GRIK1: variants seen among roughly 807,000 people sequenced by gnomAD.
The protein encoded by GRIK1 is glutamate ionotropic receptor kainate type subunit 1.
A neutral mutation model predicts 105.7 loss-of-function variants in GRIK1; 69 were observed. The observed-to-expected ratio is 0.65, with a 90% CI of 0.54 to 0.80. The LOEUF (loss-of-function observed/expected upper bound fraction) is 0.80. GRIK1 is among the 30% of genes least tolerant of loss of function. GRIK1 has a pLI of 0.00. For synonymous variants in GRIK1, 438 were observed against 431.3 expected, an observed-to-expected ratio of 1.02 and a Z score of -0.19; for missense variants, 1,109 against 1,167.3, an observed-to-expected ratio of 0.95 and a Z score of 0.73.
chr21:29,628,779 GTCTCAAA>G (rs1330513983), intron 7 of GRIK1, among the ~76,000 whole-genome samples: 2 of 152,184 alleles, frequency 1.3e-5, no homozygotes, highest in African/African-American at 4.8e-5. Flanking sequence ...AGATTAGTCA[GTCTCAAA>G]TTACTCAAAT....
At chr21:29,803,340 A>G (rs917143476) in intron 1 of GRIK1, among the ~76,000 whole-genome samples, 1 of 152,224 alleles carries the variant, frequency 6.6e-6, no homozygotes, top group African/African-American at 2.4e-5. Context: ...GCTAAATGTT[A>G]ACGCATACAT....
chr21:29,908,858 G>A (rs1157359772), intron 1 of GRIK1, among the ~76,000 whole-genome samples: 3 of 152,078 alleles, frequency 2.0e-5, no homozygotes, highest in Non-Finnish European at 4.4e-5. Flanking sequence ...CTAATATAAT[G>A]TTGGTCTGTT....
chr21:29,930,449 C>A lies in GRIK1; in HGVS notation c.118+8934G>T, dbSNP rs1207250473. The stretch of plus-strand genomic sequence containing the variant: ...GTAAGAACACTTGATTTTTACCATC[C>A]TTTCCCCAATCTGCATTATGAAGTG... On this transcript the variant is annotated intron_variant, in intron 1 of 17. Coordinates refer to ENST00000327783, the MANE Select transcript of GRIK1 (RefSeq NM_001330994.2). Among the ~76,000 whole-genome samples, 2 of 152,160 alleles carry A rather than the reference C, an allele frequency of 1.3e-5. 1 individual carries two copies. Among genetic ancestry groups the A allele is most frequent in the South Asian group, 4.1e-4 (2 of 4,834 alleles).
At chr21:29,794,922 TGCTGGTAAAACA>T (rs1196217914) in intron 1 of GRIK1, among the ~76,000 whole-genome samples, 4 of 151,810 alleles carry the variant, frequency 2.6e-5, no homozygotes, top group Admixed American at 6.6e-5. Flanking sequence ...CATTTTTGAG[TGCTGGTAAAACA>T]GATGTAAATC....
At chr21:29,915,051 A>T in intron 1 of GRIK1, among the ~76,000 whole-genome samples, 1 of 152,112 alleles carries the variant, frequency 6.6e-6, no homozygotes, top group East Asian at 1.9e-4. Flanking sequence ...TGATGCACCC[A>T]AAAGTATCAT....
At chr21:29,862,257 G>A (rs1438038183) in intron 1 of GRIK1, among the ~76,000 whole-genome samples, 1 of 151,966 alleles carries the variant, frequency 6.6e-6, no homozygotes, top group Admixed American at 6.6e-5. Context: ...CAAATTACTG[G>A]TATTACAGGC....
At position 29,606,871 on chromosome 21, in the gene GRIK1, C is replaced by T. The variant is rs142511674; in HGVS notation, c.1099-7934G>A. Among the ~76,000 whole-genome samples the T allele has an allele frequency of 5.7e-3, 870 of 152,192 alleles. 8 individuals carry two copies. The highest frequency in any genetic ancestry group is 0.02 in the African/African-American group (836 of 41,518). ...GGCCAAGTCCGTCAGTCGAGAAGTG[C>T]CTTACCTAACTCACAGCTTCAGTCA... On this transcript the variant is annotated intron_variant, in intron 7 of 17. Transcript: ENST00000327783.
chr21:29,604,208 C>T (rs775617592), intron 7 of GRIK1, among the ~76,000 whole-genome samples: 6 of 152,156 alleles, frequency 3.9e-5, no homozygotes, highest in Non-Finnish European at 8.8e-5. Context: ...TCCCACTTCT[C>T]GCTTTTTCTC....
At chr21:29,730,150 GT>G (rs2146893670) in intron 1 of GRIK1, among the ~76,000 whole-genome samples, 1 of 152,298 alleles carries the variant, frequency 6.6e-6, no homozygotes, top group East Asian at 1.9e-4. Flanking sequence ...TGGCCAGTCC[GT>G]ACCTGAAGGA....
At chr21:29,785,805 C>G (rs2066244709) in intron 1 of GRIK1, among the ~76,000 whole-genome samples, 1 of 152,144 alleles carries the variant, frequency 6.6e-6, no homozygotes. Flanking sequence ...ATTAAAGCAT[C>G]CATTCCCAAG....
At chr21:29,735,724 C>T (rs1481312915) in intron 1 of GRIK1, among the ~76,000 whole-genome samples, 1 of 151,842 alleles carries the variant, frequency 6.6e-6, no homozygotes, top group Non-Finnish European at 1.5e-5. Flanking sequence ...TGGCAAAACC[C>T]CGTCTCTATT....
At chr21:29,802,591 C>G (rs1456570612) in intron 1 of GRIK1, among the ~76,000 whole-genome samples, 1 of 152,196 alleles carries the variant, frequency 6.6e-6, no homozygotes, top group African/African-American at 2.4e-5. Context: ...GCATCACGCT[C>G]TCTGCATCCC....
chr21:29,616,195 C>A (rs1422448413), intron 7 of GRIK1, among the ~76,000 whole-genome samples: 1 of 152,188 alleles, frequency 6.6e-6, no homozygotes, highest in Non-Finnish European at 1.5e-5. Context: ...TAACATGGAA[C>A]AAAGTCTCCT....
At chr21:29,700,900 A>C (rs140732338) in intron 1 of GRIK1, among the ~76,000 whole-genome samples, 1 of 152,290 alleles carries the variant, frequency 6.6e-6, no homozygotes, top group East Asian at 1.9e-4. Context: ...GAAAAAACAA[A>C]CAAAAAAAAC....
chr21:29,827,443 G>A (rs2067492950), intron 1 of GRIK1, among the ~76,000 whole-genome samples: 1 of 152,120 alleles, frequency 6.6e-6, no homozygotes, highest in Non-Finnish European at 1.5e-5. Context: ...CATGAAAAAT[G>A]TTAGGTGCTT....
intron 14 of GRIK1, among the ~76,000 whole-genome samples, chr21:29,563,231 A>G (rs1298408007): frequency 6.6e-6 from 1 of 152,196 alleles, no homozygotes; most frequent in Non-Finnish European, 1.5e-5. Context: ...AAAAAATGGA[A>G]TACCTGCGGA....
At chr21:29,672,957 C>T (rs1159916912) in intron 4 of GRIK1, 26 bp downstream of exon 4, 3 of 1,544,122 alleles carry the variant, frequency 1.9e-6, no homozygotes, top group Admixed American at 1.9e-5. Flanking sequence ...TATCCCACAC[C>T]TCCACCTCCT....
chr21:29,584,342 C>A (rs992169698), intron 12 of GRIK1, among the ~76,000 whole-genome samples: 5 of 151,884 alleles, frequency 3.3e-5, no homozygotes, highest in African/African-American at 1.2e-4. Flanking sequence ...TTAAAAATGT[C>A]CATTTTTAAG....
At chr21:29,781,949 C>G (rs945749303) in intron 1 of GRIK1, among the ~76,000 whole-genome samples, 1 of 151,776 alleles carries the variant, frequency 6.6e-6, no homozygotes, top group African/African-American at 2.4e-5. Context: ...GGATTACAGG[C>G]GTGAGCCACC....
Sources: gnomAD v4.1 joint callset for allele counts (sites outside exome capture counted in the v4.1 genomes callset) on GRCh38, gnomAD v4.1.1 for gene constraint, MANE v1.5 for transcripts, NCBI Gene and HGNC (gene_info 2026-07-23, HGNC 2026-07-21) for gene names.